DHRSX: variants seen among roughly 807,000 people sequenced by gnomAD.
DHRSX encodes the protein dehydrogenase/reductase X-linked, also known as polyprenol dehydrogenase.
Under a neutral mutation model 34.0 loss-of-function variants are expected in DHRSX, and 31 were observed. The observed-to-expected ratio is 0.91, with a 90% CI of 0.69 to 1.23. The LOEUF (loss-of-function observed/expected upper bound fraction) is 1.23, where lower values mean the gene tolerates loss of function less well. DHRSX is among the 50% of genes most tolerant of loss of function. The pLI is 0.00. For missense variants in DHRSX, 414 were observed against 428.1 expected, an observed-to-expected ratio of 0.97 and a Z score of 0.29; for synonymous variants, 201 against 183.8, an observed-to-expected ratio of 1.09 and a Z score of -0.76.
chrX:2,319,906 G>A (rs1036426674), intron 3 of DHRSX, among the ~76,000 whole-genome samples: 21 of 152,134 alleles, frequency 1.4e-4, no homozygotes, highest in Admixed American at 2.6e-4. Context: ...TCAGCTCACT[G>A]CAATCTCCAC....
chrX:2,246,706 G>GAAAA (rs1435900895), intron 5 of DHRSX, among the ~76,000 whole-genome samples: 1 of 107,406 alleles, frequency 9.3e-6, no homozygotes, highest in Admixed American at 1.1e-4. Context: ...AAGAAAGAAA[G>GAAAA]AGAAAGAAAG....
intron 3 of DHRSX, among the ~76,000 whole-genome samples, chrX:2,317,256 C>CTTTTTTTTTTTT (rs779722860): frequency 0.13 from 11,076 of 86,290 alleles, 2,051 homozygotes; most frequent in Non-Finnish European, 0.18. Context: ...CCGCGCCTGG[C>CTTTTTTTTTTTT]TTTTTTTTTT....
intron 3 of DHRSX, among the ~76,000 whole-genome samples, chrX:2,382,588 TCATCACCATCATCAC>T (rs1213903779): frequency 7.9e-5 from 8 of 101,176 alleles, no homozygotes; most frequent in Admixed American, 2.0e-4. Context: ...ATCACCATCA[TCATCACCATCATCAC>T]CATCACCATC....
At chrX:2,302,011 C>T (rs956515171) in intron 3 of DHRSX, among the ~76,000 whole-genome samples, 5 of 151,996 alleles carry the variant, frequency 3.3e-5, no homozygotes, top group Non-Finnish European at 5.9e-5. Context: ...GACATGGCTC[C>T]GATATCACAA....
At chrX:2,381,549 A>C (rs2043202791) in intron 3 of DHRSX, among the ~76,000 whole-genome samples, 1 of 150,076 alleles carries the variant, frequency 6.7e-6, no homozygotes, top group South Asian at 2.1e-4. Context: ...TTGAACCCAG[A>C]GGGCAGAGGT....
chrX:2,360,658 G>A (rs1327403667), intron 3 of DHRSX, among the ~76,000 whole-genome samples: 2 of 151,976 alleles, frequency 1.3e-5, no homozygotes, highest in Non-Finnish European at 2.9e-5. Context: ...TGACTGAAGG[G>A]TTATTAATCT....
At chrX:2,273,101 C>T (rs1261312112) in intron 4 of DHRSX, among the ~76,000 whole-genome samples, 1 of 152,016 alleles carries the variant, frequency 6.6e-6, no homozygotes, top group Non-Finnish European at 1.5e-5. Flanking sequence ...GGAGAAACCC[C>T]AGAATTGCTT....
At chrX:2,433,920 G>A (rs1218793385) in intron 1 of DHRSX, among the ~76,000 whole-genome samples, 2 of 151,980 alleles carry the variant, frequency 1.3e-5, no homozygotes, top group East Asian at 1.9e-4. Flanking sequence ...GACTACAGGC[G>A]CCCGCCACCA....
intron 1 of DHRSX, chrX:2,490,818 C>T (rs1009027603): frequency 3.6e-5 from 54 of 1,497,036 alleles, no homozygotes; most frequent in Admixed American, 6.3e-5. Context: ...GACCCAGGCA[C>T]GCACGGGAGC....
chrX:2,324,348 CCT>C (rs1235161901), intron 3 of DHRSX, among the ~76,000 whole-genome samples: 1 of 152,108 alleles, frequency 6.6e-6, no homozygotes, highest in Admixed American at 6.6e-5. Flanking sequence ...GGCTCTCACT[CCT>C]CTCTCTCAGC....
intron 1 of DHRSX, chrX:2,488,700 C>T (rs773889535): frequency 1.1e-5 from 17 of 1,613,854 alleles, no homozygotes; most frequent in Non-Finnish European, 1.4e-5. Flanking sequence ...AAGGAGAACA[C>T]CTGCTCCTGG....
chrX:2,230,106 GGTGT>G (rs768191549), intron 6 of DHRSX, among the ~76,000 whole-genome samples: 1 of 152,166 alleles, frequency 6.6e-6, no homozygotes, highest in Non-Finnish European at 1.5e-5. Flanking sequence ...TGCATGTGAA[GGTGT>G]GTGTGCATTT....
intron 6 of DHRSX, among the ~76,000 whole-genome samples, chrX:2,227,499 GAAGGAAGGAGAGAGA>G (rs1048984147): frequency 1.4e-5 from 2 of 141,604 alleles, no homozygotes. Context: ...AGAAAAGAGG[GAAGGAAGGAGAGAGA>G]AAGGAAGCAG....
chrX:2,263,589 C>G (rs2041394280), intron 5 of DHRSX, among the ~76,000 whole-genome samples: 1 of 150,682 alleles, frequency 6.6e-6, no homozygotes, highest in African/African-American at 2.4e-5. Context: ...TCTTGGCTCA[C>G]CACAACCTCC....
intron 3 of DHRSX, among the ~76,000 whole-genome samples, chrX:2,346,466 C>T (rs1444277048): frequency 2.6e-5 from 4 of 152,108 alleles, no homozygotes; most frequent in Non-Finnish European, 5.9e-5. Context: ...GCCTCCCCTC[C>T]CACAAGGCGC....
intron 2 of DHRSX, among the ~76,000 whole-genome samples, chrX:2,415,647 C>T (rs1275617969): frequency 6.6e-6 from 1 of 151,812 alleles, no homozygotes; most frequent in Non-Finnish European, 1.5e-5. Flanking sequence ...CTCATCATGA[C>T]CTAACCCAAC....
chrX:2,409,818 C>G (rs2043603890), intron 2 of DHRSX, among the ~76,000 whole-genome samples: 2 of 152,092 alleles, frequency 1.3e-5, no homozygotes, highest in African/African-American at 4.8e-5. Flanking sequence ...CAACCTCCAC[C>G]TCTCTGATTC....
chrX:2,325,991 G>A (rs546905283), intron 3 of DHRSX, among the ~76,000 whole-genome samples: 8 of 152,236 alleles, frequency 5.3e-5, no homozygotes, highest in African/African-American at 1.7e-4. Flanking sequence ...GAGAGCTTGC[G>A]CATTTTAATT....
At chrX:2,357,927 CAG>C (rs1424838039) in intron 3 of DHRSX, among the ~76,000 whole-genome samples, 1 of 152,072 alleles carries the variant, frequency 6.6e-6, no homozygotes, top group Non-Finnish European at 1.5e-5. Flanking sequence ...ATAGTCAAAA[CAG>C]GGTAACTCTT....
Sources: gnomAD v4.1 joint callset for allele counts (sites outside exome capture counted in the v4.1 genomes callset) on GRCh38, gnomAD v4.1.1 for gene constraint, MANE v1.5 for transcripts, NCBI Gene and HGNC (gene_info 2026-07-23, HGNC 2026-07-21) for gene names.